Variants in MAPK9 observed in about 807,000 individuals in gnomAD.
MAPK9 encodes mitogen-activated protein kinase 9.
A neutral mutation model predicts 57.1 loss-of-function variants in MAPK9; 30 were observed. The ratio of observed to expected loss-of-function variants is 0.53; its 90% CI spans 0.39 to 0.71. MAPK9 has a LOEUF of 0.71. Among genes scored for constraint, MAPK9 ranks in the 30% least tolerant of loss-of-function variants. MAPK9 has a pLI of 0.00. For synonymous variants in MAPK9, 155 were observed against 177.0 expected (o/e 0.88, Z 0.99); for missense variants, 362 against 521.0 (o/e 0.69, Z 2.97).
chr5:180,286,029 A>G (rs549359313), intron 1 of MAPK9, among the ~76,000 whole-genome samples: 55 of 147,966 alleles, frequency 3.7e-4, no homozygotes, highest in East Asian at 3.0e-3. Flanking sequence ...GCAGTGAGCC[A>G]AGATCACACC....
intron 2 of MAPK9, among the ~76,000 whole-genome samples, chr5:180,278,569 G>A (rs375992674): frequency 6.6e-6 from 1 of 152,104 alleles, no homozygotes; most frequent in East Asian, 1.9e-4. Flanking sequence ...GTGTGGTGGC[G>A]TGCGCCTGTA....
intron 5 of MAPK9, 88 bp from the exon 6 acceptor site, chr5:180,249,226 G>A: frequency 3.2e-6 from 4 of 1,255,092 alleles, no homozygotes; most frequent in East Asian, 2.6e-5. Context: ...AAGCCAGTGT[G>A]AGAGTGTAGG....
At chr5:180,267,752 C>G (rs1469602239) in intron 3 of MAPK9, among the ~76,000 whole-genome samples, 2 of 152,018 alleles carry the variant, frequency 1.3e-5, no homozygotes, top group African/African-American at 4.8e-5. Context: ...ATGGTCCCAG[C>G]TACTTGGAGG....
At chr5:180,248,385 C>G (rs2127582181) in intron 6 of MAPK9, among the ~76,000 whole-genome samples, 1 of 152,342 alleles carries the variant, frequency 6.6e-6, no homozygotes, top group East Asian at 1.9e-4. Flanking sequence ...ATGACCCGGG[C>G]AAACTTTCAG....
At chr5:180,286,907 G>A (rs534769396) in intron 1 of MAPK9, 1 of 152,350 alleles carries the variant, frequency 6.6e-6, no homozygotes, top group African/African-American at 2.4e-5. Context: ...CCTTCAATGG[G>A]TAAATGGTTA....
intron 5 of MAPK9, among the ~76,000 whole-genome samples, chr5:180,256,989 T>C (rs913682613): frequency 6.6e-6 from 1 of 152,204 alleles, no homozygotes; most frequent in Non-Finnish European, 1.5e-5. Flanking sequence ...GGAACAGAAA[T>C]AGAATGGTAC....
intron 8 of MAPK9, 85 bp downstream of exon 8, chr5:180,242,488 A>G (rs992790971): frequency 2.3e-6 from 3 of 1,308,628 alleles, no homozygotes; most frequent in African/African-American, 2.9e-5. Flanking sequence ...CTCCCAAAAC[A>G]CAGGTTTTTA....
intron 3 of MAPK9, among the ~76,000 whole-genome samples, chr5:180,265,257 T>C (rs1760408628): frequency 6.6e-6 from 1 of 152,198 alleles, no homozygotes; most frequent in Non-Finnish European, 1.5e-5. Context: ...TAGCATCATA[T>C]TTTTACCTAA....
At chr5:180,266,061 GA>G (rs906709625) in intron 3 of MAPK9, among the ~76,000 whole-genome samples, 14 of 134,134 alleles carry the variant, frequency 1.0e-4, no homozygotes, top group East Asian at 4.3e-4. Flanking sequence ...ATGTCAAATG[GA>G]AAAAAAAAAG....
At chr5:180,240,232 G>A (rs1220600168) in intron 9 of MAPK9, among the ~76,000 whole-genome samples, 1 of 152,152 alleles carries the variant, frequency 6.6e-6, no homozygotes, top group Admixed American at 6.5e-5. Context: ...ACCTCAAAAC[G>A]CAGACATCTG....
In MAPK9 at chr5:180,235,744, G is replaced by A. The variant is rs1757128166; in HGVS notation, c.*640C>T. The A allele has an allele frequency of 6.6e-6, 1 of 152,164 alleles. No individual in the cohort carries two copies. 9.4% of individuals were successfully genotyped at this position (152,164 alleles called of 1,614,324 possible). A position where few individuals can be genotyped will look rare whatever the true frequency, so the allele number is the denominator to read the frequency against. ...TGTCCACATAAGTGTCTTGGTTTTA[G>A]CCGTGATAATTCTCAGCCCCAAACA... On this transcript the variant is annotated 3_prime_UTR_variant, in exon 12 of 12. Transcript: ENST00000452135.
intron 10 of MAPK9, among the ~76,000 whole-genome samples, chr5:180,239,029 T>C (rs1757433139): frequency 1.3e-5 from 2 of 152,268 alleles, no homozygotes; most frequent in Non-Finnish European, 2.9e-5. Context: ...GGATTGGATA[T>C]TCTCACACCC....
At chr5:180,288,544 C>T (rs1006839710) in intron 1 of MAPK9, among the ~76,000 whole-genome samples, 10 of 152,118 alleles carry the variant, frequency 6.6e-5, no homozygotes, top group African/African-American at 1.7e-4. Flanking sequence ...AACTACTGTA[C>T]ACCTCCTGAG....
At chr5:180,280,722 G>C in intron 1 of MAPK9, 114 bp from the exon 2 acceptor site, 2 of 781,178 alleles carry the variant, frequency 2.6e-6, no homozygotes, top group Non-Finnish European at 3.7e-6. Context: ...AGTTGATAAA[G>C]TCAATCTGAC....
At chr5:180,282,407 T>C (rs1762388450) in intron 1 of MAPK9, among the ~76,000 whole-genome samples, 1 of 152,160 alleles carries the variant, frequency 6.6e-6, no homozygotes, top group Non-Finnish European at 1.5e-5. Flanking sequence ...GCGCGAGCAG[T>C]GAGTCCATTA....
At chr5:180,286,386 C>T (rs189639206) in intron 1 of MAPK9, among the ~76,000 whole-genome samples, 6 of 151,312 alleles carry the variant, frequency 4.0e-5, no homozygotes, top group Admixed American at 6.6e-5. Flanking sequence ...CCTTATGATC[C>T]GCCCGCCTCA....
Position 180,247,389 on chromosome 5 carries a change from C to T in MAPK9, c.688+50G>A. 6.2e-7 allele frequency: 1 copy of T among 1,612,302 alleles called. No individual in the cohort carries two copies. Among genetic ancestry groups the T allele is most frequent in the Non-Finnish European group, 8.5e-7 (1 of 1,178,354 alleles). Reference sequence around the variant, plus strand: ...CTCGTGTAAGCAGGTGGTCATGCTGCCTGAGGCATTAAGAAAGCATGGCGG... The same window carrying T: ...CTCGTGTAAGCAGGTGGTCATGCTGTCTGAGGCATTAAGAAAGCATGGCGG... On this transcript the variant is annotated intron_variant, in intron 7 of 11. Transcript: ENST00000452135. This position sits in a 1 kb window ranked among gnomAD's most constrained non-coding sequence, Gnocchi z 4.5.
intron 5 of MAPK9, among the ~76,000 whole-genome samples, chr5:180,253,067 G>A (rs1467546512): frequency 1.3e-5 from 2 of 152,190 alleles, no homozygotes; most frequent in African/African-American, 4.8e-5. Context: ...CCAGTGTGGT[G>A]TCTGCACCTA....
chr5:180,261,874 A>G (rs1326379660), intron 4 of MAPK9, 52 bp from the exon 5 acceptor site: 4 of 1,499,310 alleles, frequency 2.7e-6, no homozygotes, highest in Non-Finnish European at 3.6e-6. Context: ...AAGTTCCTTT[A>G]TGACTAAATT....
Sources: allele counts gnomAD v4.1 joint callset (sites outside exome capture counted in the v4.1 genomes callset), GRCh38; gene constraint gnomAD v4.1.1; non-coding constraint Gnocchi (gnomAD v3.1); transcripts MANE v1.5; gene names NCBI Gene and HGNC (gene_info 2026-07-23, HGNC 2026-07-21).